TAOK1: variants seen among roughly 807,000 people sequenced by gnomAD.
TAOK1 encodes serine/threonine-protein kinase TAO1.
A neutral mutation model predicts 138.3 loss-of-function variants in TAOK1; 21 were observed. The observed-to-expected ratio is 0.15, with a 90% CI of 0.11 to 0.22. The LOEUF (loss-of-function observed/expected upper bound fraction) is 0.22. Ranked by LOEUF, TAOK1 falls within the 10% of genes least tolerant of loss-of-function variation. The pLI is 1.00. For synonymous variants in TAOK1, 361 were observed against 398.4 expected, an observed-to-expected ratio of 0.91 and a Z score of 1.12; for missense variants, 651 against 1,227.7, an observed-to-expected ratio of 0.53 and a Z score of 7.02.
rs78744887 is a variant in TAOK1 at position 29,396,269 on chromosome 17, G to T, written c.-95+5245G>T. Among the ~76,000 whole-genome samples the T allele has an allele frequency of 5.3e-3, 799 of 152,118 alleles. 7 individuals carry two copies. Among genetic ancestry groups the T allele is most frequent in the African/African-American group, 0.018 (757 of 41,504 alleles). ...TATTTGTGCCAGAAGCAGACTTTTT[G>T]TTCTAAAATACAGTCTAAGGCTATA... On this transcript the variant is annotated intron_variant, in intron 1 of 19. Transcript: ENST00000261716.
At chr17:29,533,055 G>A (rs2032153648) in intron 18 of TAOK1, among the ~76,000 whole-genome samples, 1 of 125,890 alleles carries the variant, frequency 7.9e-6, no homozygotes, top group Non-Finnish European at 1.7e-5. Context: ...GTGGCTGCCG[G>A]GCGGAGATGC....
intron 17 of TAOK1, among the ~76,000 whole-genome samples, chr17:29,526,471 A>G (rs2032010558): frequency 6.6e-6 from 1 of 152,020 alleles, no homozygotes; most frequent in African/African-American, 2.4e-5. Flanking sequence ...GCTGGAGGGC[A>G]GTGGCGCAAT....
At chr17:29,440,285 GA>G (rs1159586311) in intron 1 of TAOK1, among the ~76,000 whole-genome samples, 4 of 152,122 alleles carry the variant, frequency 2.6e-5, no homozygotes, top group African/African-American at 7.2e-5. Context: ...CACTCACATA[GA>G]AAAACTGTTA....
At chr17:29,467,869 G>A (rs2030711311) in intron 3 of TAOK1, among the ~76,000 whole-genome samples, 2 of 150,918 alleles carry the variant, frequency 1.3e-5, no homozygotes, top group East Asian at 3.9e-4. Context: ...TGTCACCTAA[G>A]CTGGAATGCA....
At chr17:29,455,584 T>C (rs2030356555) in intron 2 of TAOK1, among the ~76,000 whole-genome samples, 1 of 150,532 alleles carries the variant, frequency 6.6e-6, no homozygotes, top group Admixed American at 6.6e-5. Context: ...CCTTTTACTA[T>C]TGAGTATGGT....
At chr17:29,510,776 G>T in intron 14 of TAOK1, 88 bp from the exon 15 acceptor site, 1 of 962,894 alleles carries the variant, frequency 1.0e-6, no homozygotes, top group Non-Finnish European at 1.4e-6. Context: ...CTTGTTCTTA[G>T]AAAATAAAAG....
chr17:29,530,051 A>G (rs547858425), intron 17 of TAOK1, among the ~76,000 whole-genome samples: 1 of 152,176 alleles, frequency 6.6e-6, no homozygotes, highest in South Asian at 2.1e-4. Context: ...AAAGAAAAAG[A>G]AAAAATGTAA....
intron 1 of TAOK1, among the ~76,000 whole-genome samples, chr17:29,396,775 T>C (rs1230470393): frequency 2.0e-5 from 3 of 150,322 alleles, no homozygotes; most frequent in Admixed American, 1.3e-4. Flanking sequence ...TAGATCACTT[T>C]AGGTCAGGAG....
intron 17 of TAOK1, among the ~76,000 whole-genome samples, chr17:29,530,023 T>C (rs2032076439): frequency 6.7e-6 from 1 of 149,604 alleles, no homozygotes; most frequent in African/African-American, 2.5e-5. Flanking sequence ...TGAGACTCCA[T>C]CTCAAAAAAA....
chr17:29,538,558 T>G (rs528171169), intron 19 of TAOK1, among the ~76,000 whole-genome samples: 1 of 152,344 alleles, frequency 6.6e-6, no homozygotes, highest in African/African-American at 2.4e-5. Flanking sequence ...AAAGCTGTGA[T>G]TTCTGCACTT....
rs2032468862 is a variant in TAOK1 at position 29,550,308 on chromosome 17, C to T, written c.*7286C>T. The T allele has an allele frequency of 1.3e-5, 2 of 152,088 alleles. No individual in the cohort carries two copies. The highest frequency in any genetic ancestry group is 1.3e-4 in the Admixed American group (2 of 15,272). The allele number at this position is 152,088 out of a possible 1,614,324, so 9.4% of individuals were successfully genotyped here. On this transcript the variant is annotated 3_prime_UTR_variant, in exon 20 of 20. Coordinates refer to ENST00000261716, the MANE Select transcript of TAOK1 (RefSeq NM_020791.4). ...TTTAAAGTATAGTGCACATAACTTC[C>T]CCGGACTGTTCCAATCTGATAATTT...
intron 1 of TAOK1, among the ~76,000 whole-genome samples, chr17:29,429,140 G>A (rs1256314978): frequency 6.6e-6 from 1 of 152,120 alleles, no homozygotes; most frequent in African/African-American, 2.4e-5. Context: ...TATGGAAGCA[G>A]ATGGGAAGTA....
At chr17:29,468,135 A>ATTTTTTTTTTTTTTT (rs761962930) in intron 3 of TAOK1, among the ~76,000 whole-genome samples, 8,620 of 75,428 alleles carry the variant, frequency 0.11, 1,938 homozygotes, top group East Asian at 0.26. Context: ...CCTGCTTTCA[A>ATTTTTTTTTTTTTTT]TTTTTTTTTT....
At chr17:29,402,067 T>G (rs1904861336) in intron 1 of TAOK1, among the ~76,000 whole-genome samples, 1 of 152,236 alleles carries the variant, frequency 6.6e-6, no homozygotes, top group Admixed American at 6.5e-5. Context: ...CTCTACTGAT[T>G]CATCTGTAGT....
chr17:29,395,712 C>G (rs981931486), intron 1 of TAOK1, among the ~76,000 whole-genome samples: 1 of 146,684 alleles, frequency 6.8e-6, no homozygotes, highest in Non-Finnish European at 1.5e-5. Context: ...GGTTGGAATG[C>G]AATAGCGTGA....
At chr17:29,522,813 G>A (rs542371474) in intron 17 of TAOK1, among the ~76,000 whole-genome samples, 6 of 152,208 alleles carry the variant, frequency 3.9e-5, no homozygotes, top group African/African-American at 1.2e-4. Context: ...AGTGGCTCAC[G>A]CCTGTAATCC....
At chr17:29,493,756 A>G (rs1360919378) in intron 10 of TAOK1, among the ~76,000 whole-genome samples, 1 of 152,152 alleles carries the variant, frequency 6.6e-6, no homozygotes, top group Non-Finnish European at 1.5e-5. Context: ...ATCATAAAGA[A>G]AAAAACTAAT....
chr17:29,469,424 A>G (rs1380184090), intron 3 of TAOK1, among the ~76,000 whole-genome samples: 1 of 152,164 alleles, frequency 6.6e-6, no homozygotes. Context: ...ATGCGTCTCT[A>G]GAATTCTTTT....
chr17:29,501,221 T>TAAA (rs66503222), intron 12 of TAOK1, among the ~76,000 whole-genome samples: 14 of 120,610 alleles, frequency 1.2e-4, no homozygotes, highest in East Asian at 2.6e-4. Flanking sequence ...CCCATCTGTT[T>TAAA]AAAAAAAAAA....
Sources: allele counts gnomAD v4.1 joint callset (sites outside exome capture counted in the v4.1 genomes callset), GRCh38; gene constraint gnomAD v4.1.1; transcripts MANE v1.5; gene names NCBI Gene and HGNC (gene_info 2026-07-23, HGNC 2026-07-21).